Variants in PGM5 observed in about 807,000 individuals in gnomAD.
PGM5 encodes the protein phosphoglucomutase 5, also known as phosphoglucomutase-like protein 5.
PGM5 carries 23 observed loss-of-function variants against 59.2 expected under a neutral mutation model. The observed-to-expected ratio is 0.39, with a 90% confidence interval of 0.28 to 0.55. PGM5 has a LOEUF of 0.55. PGM5 is among the 20% of genes least tolerant of loss of function. PGM5 has a pLI of 0.66. For synonymous variants in PGM5, 214 were observed against 286.0 expected (o/e 0.75, Z 2.54); for missense variants, 574 against 748.3 (o/e 0.77, Z 2.72).
chr9:68,468,149 A>G (rs1183216759), intron 7 of PGM5, among the ~76,000 whole-genome samples: 1 of 152,024 alleles, frequency 6.6e-6, no homozygotes, highest in Non-Finnish European at 1.5e-5. Flanking sequence ...CCCAGTACCC[A>G]ATAATTGTCG....
At chr9:68,465,850 G>A (rs1011133807) in intron 7 of PGM5, among the ~76,000 whole-genome samples, 9 of 152,084 alleles carry the variant, frequency 5.9e-5, no homozygotes, top group Admixed American at 1.3e-4. Context: ...GCCTTTGGCT[G>A]ACTTCAATAT....
intron 7 of PGM5, among the ~76,000 whole-genome samples, chr9:68,474,694 G>T (rs782100884): frequency 6.6e-6 from 1 of 151,692 alleles, no homozygotes; most frequent in Admixed American, 6.6e-5. Flanking sequence ...GTAAGATTGC[G>T]TGGGCTTTGG....
chr9:68,407,054 ATTATTG>A (rs1350201787), intron 6 of PGM5, among the ~76,000 whole-genome samples: 1 of 152,022 alleles, frequency 6.6e-6, no homozygotes, highest in Non-Finnish European at 1.5e-5. Context: ...TTTGTAAATA[ATTATTG>A]TTAATTTTCT....
intron 6 of PGM5, among the ~76,000 whole-genome samples, chr9:68,448,108 C>A (rs1823643067): frequency 6.6e-6 from 1 of 152,268 alleles, no homozygotes; most frequent in South Asian, 2.1e-4. Context: ...TACTTGTAGG[C>A]AAATAGGTTG....
intron 10 of PGM5, among the ~76,000 whole-genome samples, chr9:68,515,672 T>C (rs1281842164): frequency 1.3e-5 from 2 of 152,224 alleles, no homozygotes; most frequent in African/African-American, 4.8e-5. Flanking sequence ...AGAGAGATGT[T>C]GCCTCTGATT....
At chr9:68,520,321 T>G (rs533900289) in intron 10 of PGM5, among the ~76,000 whole-genome samples, 73 of 151,936 alleles carry the variant, frequency 4.8e-4, no homozygotes, top group African/African-American at 1.7e-3. Flanking sequence ...CACAGTAGTT[T>G]TAAATTTATA....
chr9:68,486,472 A>T (rs1824298068), intron 9 of PGM5, among the ~76,000 whole-genome samples: 1 of 152,122 alleles, frequency 6.6e-6, no homozygotes, highest in African/African-American at 2.4e-5. Flanking sequence ...GCAACCCCTG[A>T]TCTTTCTGTC....
chr9:68,398,253 G>A (rs1822564635), intron 6 of PGM5: 1 of 152,142 alleles, frequency 6.6e-6, no homozygotes, highest in Non-Finnish European at 1.5e-5. Context: ...AAAGAAGAAA[G>A]CCCTTTATCC....
chr9:68,505,097 T>C (rs928049), intron 10 of PGM5, among the ~76,000 whole-genome samples: 110,474 of 152,138 alleles, frequency 0.73, 40,677 homozygotes, highest in East Asian at 0.99. Flanking sequence ...CTGCTTTGCT[T>C]TTGCAGGAAA....
chr9:68,452,672 T>C (rs531944567), intron 6 of PGM5, among the ~76,000 whole-genome samples: 17 of 152,284 alleles, frequency 1.1e-4, no homozygotes, highest in South Asian at 8.3e-4. Flanking sequence ...AGAGAACATG[T>C]CACTCAGATA....
intron 4 of PGM5, among the ~76,000 whole-genome samples, chr9:68,389,380 G>T (rs371622204): frequency 1.2e-3 from 189 of 152,072 alleles, no homozygotes; most frequent in African/African-American, 4.4e-3. Context: ...AAGAGCTTTT[G>T]GCAGCCCTTT....
chr9:68,392,857 C>T (rs1328506551), intron 6 of PGM5, among the ~76,000 whole-genome samples: 1 of 151,988 alleles, frequency 6.6e-6, no homozygotes, highest in African/African-American at 2.4e-5. Flanking sequence ...AACTTATTAA[C>T]CTGAAAGTGT....
chr9:68,460,373 T>C (rs1823841157), intron 6 of PGM5, among the ~76,000 whole-genome samples: 1 of 152,174 alleles, frequency 6.6e-6, no homozygotes, highest in Non-Finnish European at 1.5e-5. Context: ...TCAGGGCACT[T>C]TTAAGGTACT....
chr9:68,407,876 G>A (rs189627824), intron 6 of PGM5, among the ~76,000 whole-genome samples: 3 of 152,342 alleles, frequency 2.0e-5, no homozygotes, highest in Non-Finnish European at 4.4e-5. Flanking sequence ...AGAGGACAGA[G>A]GAGAGATTTG....
intron 6 of PGM5, among the ~76,000 whole-genome samples, chr9:68,455,169 T>C (rs532155885): frequency 2.2e-4 from 33 of 152,268 alleles, no homozygotes; most frequent in Non-Finnish European, 4.1e-4. Flanking sequence ...GGGTCACAGA[T>C]CAGAGTTACA....
chr9:68,376,883 TTTTTTTC>T (rs1563985049), intron 1 of PGM5, among the ~76,000 whole-genome samples: 1 of 112,358 alleles, frequency 8.9e-6, no homozygotes, highest in African/African-American at 3.4e-5. Flanking sequence ...TCTTTCTTTC[TTTTTTTC>T]TTTCTTTCTC....
intron 6 of PGM5, among the ~76,000 whole-genome samples, chr9:68,447,703 G>A (rs1369758682): frequency 8.6e-5 from 13 of 151,996 alleles, no homozygotes; most frequent in East Asian, 7.7e-4. Context: ...AATCCAGCAC[G>A]CTTTTTATAA....
In PGM5 at chr9:68,421,174, G is replaced by T. The variant is rs932187089; in HGVS notation, c.1043+28701G>T. On this transcript the variant is annotated intron_variant, in intron 6 of 10. Coordinates refer to ENST00000396396, the MANE Select transcript of PGM5 (RefSeq NM_021965.4). ...CTGATCATTTTCACATTTGCACTCTGCCCCGTTCACTGATCTTCCCCTAAT... is the reference window on the plus strand; with the variant it reads ...CTGATCATTTTCACATTTGCACTCTTCCCCGTTCACTGATCTTCCCCTAAT... Among the ~76,000 whole-genome samples the T allele has an allele frequency of 3.3e-5, 5 of 152,306 alleles. 1 individual carries two copies. The East Asian group carries it at 9.7e-4, about 29-fold the overall frequency.
intron 10 of PGM5, among the ~76,000 whole-genome samples, chr9:68,523,595 A>C (rs886540418): frequency 1.3e-5 from 2 of 152,208 alleles, no homozygotes; most frequent in African/African-American, 2.4e-5. Context: ...GATCAGGAGA[A>C]AGTAGCATTT....
Sources: gnomAD v4.1 joint callset for allele counts (sites outside exome capture counted in the v4.1 genomes callset) on GRCh38, gnomAD v4.1.1 for gene constraint, MANE v1.5 for transcripts, NCBI Gene and HGNC (gene_info 2026-07-23, HGNC 2026-07-21) for gene names.